Variants in CDK15 observed in about 807,000 individuals in gnomAD.
The protein encoded by CDK15 is cyclin-dependent kinase 15.
In CDK15, 62 loss-of-function variants were observed where a neutral mutation model predicts 60.3. The ratio of observed to expected loss-of-function variants is 1.03; its 90% CI spans 0.84 to 1.27. CDK15 has a LOEUF of 1.27. CDK15 is among the 50% of genes most tolerant of loss of function. The pLI is 0.00. For missense variants in CDK15, 541 were observed against 527.8 expected (o/e 1.03, Z -0.25); for synonymous variants, 194 against 195.7 (o/e 0.99, Z 0.07).
chr2:201,861,863 T>C (rs1478444883), intron 10 of CDK15, among the ~76,000 whole-genome samples: 2 of 151,988 alleles, frequency 1.3e-5, no homozygotes, highest in African/African-American at 4.8e-5. Context: ...CTCCATTTGG[T>C]TTTTTACACA....
At chr2:201,819,551 A>G (rs1018528649) in intron 4 of CDK15, among the ~76,000 whole-genome samples, 1 of 152,228 alleles carries the variant, frequency 6.6e-6, no homozygotes, top group Admixed American at 6.5e-5. Flanking sequence ...TTTGAGAAGG[A>G]TAGCAGTGTC....
At position 201,893,965 on chromosome 2, in the gene CDK15, A is replaced by G. The variant is rs1699707762; in HGVS notation, c.*698A>G. The G allele has an allele frequency of 6.6e-6, 1 of 152,114 alleles. No homozygotes were observed. Among genetic ancestry groups the G allele is most frequent in the Non-Finnish European group, 1.5e-5 (1 of 68,054 alleles). The allele number at this position is 152,114 out of a possible 1,614,324, so 9.4% of individuals were successfully genotyped here. ...TCCTACTGAATCTTAATTGTCTGTG[A>G]TGATGGCAACAGTGATGGGGAATCT... On this transcript the variant is annotated 3_prime_UTR_variant, in exon 14 of 14. Coordinates refer to ENST00000652192, the MANE Select transcript of CDK15 (RefSeq NM_001366386.2).
chr2:201,841,106 C>T (rs886597904), intron 8 of CDK15, among the ~76,000 whole-genome samples: 7 of 152,122 alleles, frequency 4.6e-5, no homozygotes, highest in Non-Finnish European at 1.0e-4. Context: ...TCTACCAGTT[C>T]TTTAAGTCTC....
intron 11 of CDK15, among the ~76,000 whole-genome samples, chr2:201,873,537 C>T (rs942345739): frequency 7.2e-5 from 11 of 152,200 alleles, no homozygotes; most frequent in African/African-American, 2.4e-4. Context: ...GCTGCTGCTG[C>T]AGCTGCCCCT....
At chr2:201,807,756 A>G in intron 2 of CDK15, 102 bp from the exon 3 acceptor site, 1 of 1,546,872 alleles carries the variant, frequency 6.5e-7, no homozygotes, top group Non-Finnish European at 8.8e-7. Context: ...CTGCTCTGGC[A>G]ATGCTGTCTA....
At chr2:201,833,739 C>G in intron 6 of CDK15, 109 bp from the exon 7 acceptor site, 1 of 592,576 alleles carries the variant, frequency 1.7e-6, no homozygotes. Context: ...TTTTTGGTCT[C>G]TCAAGAGACA....
At chr2:201,855,880 C>T (rs1698126416) in intron 10 of CDK15, among the ~76,000 whole-genome samples, 1 of 146,198 alleles carries the variant, frequency 6.8e-6, no homozygotes, top group Non-Finnish European at 1.5e-5. Context: ...GGCTGGAGTG[C>T]AGTGGCACGA....
chr2:201,854,874 G>A lies in CDK15; in HGVS notation c.946G>A (p.Val316Met), dbSNP rs199639155. ...TTTTTCTTTGTTTGGCTTTATATAG[G>A]TGCTGGGAGTCCCTACAGAGGATAC... ...ILEQLEKIWE[V>M]LGVPTEDTWP... Residue 316 changes from valine to methionine, a missense_variant and splice_region_variant, in exon 10 of 14, where the codon GTG becomes ATG. Coordinates refer to ENST00000652192, the MANE Select transcript of CDK15 (RefSeq NM_001366386.2). 3.7e-6 allele frequency: 6 copies of A among 1,613,592 alleles called. No individual in the cohort carries two copies. The highest frequency in any genetic ancestry group is 5.1e-6 in the Non-Finnish European group (6 of 1,179,854).
chr2:201,836,110 T>TTA (rs1196199191), intron 8 of CDK15, among the ~76,000 whole-genome samples: 1 of 110,214 alleles, frequency 9.1e-6, no homozygotes, highest in African/African-American at 3.3e-5. Flanking sequence ...ATTTATATAT[T>TTA]TATATATATT....
At chr2:201,845,324 A>G (rs930970735) in intron 8 of CDK15, among the ~76,000 whole-genome samples, 1 of 152,240 alleles carries the variant, frequency 6.6e-6, no homozygotes, top group Non-Finnish European at 1.5e-5. Flanking sequence ...ATATTTTTAC[A>G]GGATAAGATA....
chr2:201,828,279 G>T (rs1033299166), intron 6 of CDK15, among the ~76,000 whole-genome samples: 1 of 151,882 alleles, frequency 6.6e-6, no homozygotes, highest in East Asian at 1.9e-4. Context: ...AGATCTGAGG[G>T]TCATCAGCAC....
At chr2:201,807,667 CAAG>C (rs752276525) in intron 2 of CDK15, 24 bp downstream of exon 2, 2 of 1,613,354 alleles carry the variant, frequency 1.2e-6, no homozygotes, top group Non-Finnish European at 1.7e-6. Flanking sequence ...TGATGTTGAT[CAAG>C]AAGAATTTAA....
intron 10 of CDK15, among the ~76,000 whole-genome samples, chr2:201,859,994 C>T (rs997834781): frequency 5.3e-5 from 8 of 152,166 alleles, no homozygotes; most frequent in East Asian, 1.9e-4. Flanking sequence ...AAAGATCCTG[C>T]GATAAAGAGA....
chr2:201,843,595 T>G (rs759356475), intron 8 of CDK15, among the ~76,000 whole-genome samples: 2 of 152,228 alleles, frequency 1.3e-5, no homozygotes, highest in Non-Finnish European at 2.9e-5. Flanking sequence ...TTTTGTCTTA[T>G]AAGTGTTCTA....
intron 10 of CDK15, among the ~76,000 whole-genome samples, chr2:201,855,401 G>A (rs1698101691): frequency 6.6e-6 from 1 of 152,230 alleles, no homozygotes; most frequent in East Asian, 1.9e-4. Flanking sequence ...CTTACTAAGA[G>A]TTCATTCATT....
Position 201,843,450 on chromosome 2 carries a change from A to G in CDK15, c.852-3931A>G, listed in dbSNP as rs188515871. ...GCCCGCCTCGGCCTCCCAAAGTGCT[A>G]GGATTACAATGCTTACACCTAGAAC... On this transcript the variant is annotated intron_variant, in intron 8 of 13. Coordinates refer to ENST00000652192, the MANE Select transcript of CDK15 (RefSeq NM_001366386.2). Among the ~76,000 whole-genome samples, 18 of 152,180 alleles carry G rather than the reference A, an allele frequency of 1.2e-4. No individual in the cohort carries two copies. The East Asian group carries it at 3.5e-3, about 29-fold the overall frequency.
At chr2:201,864,990 T>C (rs1698560157) in intron 10 of CDK15, among the ~76,000 whole-genome samples, 1 of 152,098 alleles carries the variant, frequency 6.6e-6, no homozygotes, top group Non-Finnish European at 1.5e-5. Flanking sequence ...GTGGGGCCAG[T>C]ACTGCAGGAC....
intron 6 of CDK15, among the ~76,000 whole-genome samples, chr2:201,831,748 C>T (rs1274586830): frequency 2.0e-5 from 3 of 152,174 alleles, no homozygotes; most frequent in Non-Finnish European, 4.4e-5. Context: ...AGCTGACCTA[C>T]TAAGAAGCTC....
chr2:201,885,425 G>A (rs543098084), intron 12 of CDK15, among the ~76,000 whole-genome samples: 6 of 152,146 alleles, frequency 3.9e-5, no homozygotes, highest in African/African-American at 9.7e-5. Context: ...AGTTTGTAAC[G>A]TAACTCAGAC....
Sources: gnomAD v4.1 joint callset for allele counts (sites outside exome capture counted in the v4.1 genomes callset) on GRCh38, gnomAD v4.1.1 for gene constraint, MANE v1.5 for transcripts, NCBI Gene and HGNC (gene_info 2026-07-23, HGNC 2026-07-21) for gene names.